The following GBF1 variants were observed in gnomAD, a reference collection of about 807,000 sequenced individuals.
The protein encoded by GBF1 is Golgi-specific brefeldin A-resistance guanine nucleotide exchange factor 1.
Under a neutral mutation model 210.5 loss-of-function variants are expected in GBF1, and 114 were observed. The observed-to-expected ratio is 0.54, with a 90% CI of 0.47 to 0.63. The LOEUF (loss-of-function observed/expected upper bound fraction) is 0.63, where lower values mean the gene tolerates loss of function less well. Ranked by LOEUF, GBF1 falls within the 30% of genes least tolerant of loss-of-function variation. The pLI is 0.00. For missense variants in GBF1, 1,851 were observed against 2,357.7 expected, an observed-to-expected ratio of 0.79 and a Z score of 4.45; for synonymous variants, 850 against 889.2, an observed-to-expected ratio of 0.96 and a Z score of 0.78.
the GBF1 span, among the ~76,000 whole-genome samples, chr10:102,233,558 C>T: frequency 1.3e-5 from 2 of 152,118 alleles, no homozygotes. Flanking sequence ...CCTGCCTCGG[C>T]CTCCCAAAGT....
At chr10:102,231,280 G>A in the GBF1 span, among the ~76,000 whole-genome samples, 18 of 152,206 alleles carry the variant, frequency 1.2e-4, no homozygotes, top group African/African-American at 4.3e-4. Flanking sequence ...CAGAAGGCGC[G>A]GGCGGCTGGA....
intron 3 of GBF1, among the ~76,000 whole-genome samples, chr10:102,284,052 T>C (rs1433084827): frequency 6.6e-6 from 1 of 151,804 alleles, no homozygotes; most frequent in African/African-American, 2.4e-5. Flanking sequence ...AAGTTTCACT[T>C]TTTGCAAGAA....
intron 3 of GBF1, among the ~76,000 whole-genome samples, chr10:102,317,676 T>A (rs1420396035): frequency 6.6e-6 from 1 of 152,164 alleles, no homozygotes; most frequent in Non-Finnish European, 1.5e-5. Context: ...TCCAATCACC[T>A]AAAGATAACT....
At chr10:102,316,694 A>C (rs1277249860) in intron 3 of GBF1, among the ~76,000 whole-genome samples, 3 of 152,228 alleles carry the variant, frequency 2.0e-5, no homozygotes, top group Non-Finnish European at 2.9e-5. Context: ...TTTTAGATAG[A>C]TAGACAGATA....
At chr10:102,319,044 G>A (rs1330914813) in intron 3 of GBF1, among the ~76,000 whole-genome samples, 2 of 152,020 alleles carry the variant, frequency 1.3e-5, no homozygotes, top group South Asian at 2.1e-4. Context: ...TAGGCTGGGC[G>A]CAGTGGCTCA....
intron 3 of GBF1, among the ~76,000 whole-genome samples, chr10:102,274,515 G>C (rs772071076): frequency 6.6e-6 from 1 of 151,840 alleles, no homozygotes; most frequent in East Asian, 1.9e-4. Context: ...TGATTAATCA[G>C]TCTGTGCATC....
intron 33 of GBF1, among the ~76,000 whole-genome samples, 178 bp downstream of exon 33, chr10:102,377,318 A>AATTT (rs746237101): frequency 2.1e-4 from 32 of 151,718 alleles, no homozygotes; most frequent in African/African-American, 3.4e-4. Flanking sequence ...TATTTGCTTA[A>AATTT]ATTTATTTAT....
chr10:102,331,325 A>T (rs928660613), intron 3 of GBF1, among the ~76,000 whole-genome samples: 3 of 152,140 alleles, frequency 2.0e-5, no homozygotes, highest in Non-Finnish European at 4.4e-5. Flanking sequence ...CATGAACATG[A>T]TGCTCCATAA....
chr10:102,269,008 G>T (rs1029146881), intron 3 of GBF1, among the ~76,000 whole-genome samples: 29 of 152,322 alleles, frequency 1.9e-4, no homozygotes, highest in Non-Finnish European at 3.5e-4. Context: ...GAGATAATTT[G>T]CACCTCACCA....
chr10:102,354,767 C>T (rs113424617), intron 8 of GBF1, among the ~76,000 whole-genome samples: 297 of 152,180 alleles, frequency 2.0e-3, no homozygotes, highest in African/African-American at 6.8e-3. Context: ...CTAGGGAAAC[C>T]GTGAGGGACC....
intron 3 of GBF1, among the ~76,000 whole-genome samples, chr10:102,342,874 C>A (rs1257230517): frequency 6.6e-6 from 1 of 152,106 alleles, no homozygotes; most frequent in East Asian, 1.9e-4. Context: ...ATTCTTTGAC[C>A]TAGAATGGAA....
chr10:102,355,993 T>C (rs2059268615), intron 8 of GBF1, among the ~76,000 whole-genome samples: 1 of 152,196 alleles, frequency 6.6e-6, no homozygotes, highest in Non-Finnish European at 1.5e-5. Flanking sequence ...TGAAGCTCAG[T>C]TCTAAGCATA....
rs1422857194 is a variant in GBF1 at position 102,370,759 on chromosome 10, T to A, written c.3559T>A (p.Cys1187Ser). 5.6e-6 allele frequency: 9 copies of A among 1,613,940 alleles called. No homozygotes were observed. The change falls in exon 29 of 40, where the codon TGT becomes AGT. Residue 1187 changes from cysteine (C) to serine (S), a missense_variant. Physicochemically the swap from Cys to Ser is moderately radical, Grantham distance 112. Transcript: ENST00000369983. ...QTVRDHLYHL[C>S]VQAQDFCFLV... Reference sequence around the variant, plus strand: ...TGTTCGAGACCATCTATACCACCTCTGTGTTCAGGCACAAGATTTCTGCTT... The same window carrying A: ...TGTTCGAGACCATCTATACCACCTCAGTGTTCAGGCACAAGATTTCTGCTT...
chr10:102,230,693 CG>C, the GBF1 span: 1 of 1,566,686 alleles, frequency 6.4e-7, no homozygotes, highest in Non-Finnish European at 8.6e-7. Flanking sequence ...GCGGCGGCGG[CG>C]GCGGCCGAGG....
intron 3 of GBF1, among the ~76,000 whole-genome samples, chr10:102,262,085 G>GT (rs1483566942): frequency 6.6e-6 from 1 of 152,048 alleles, no homozygotes; most frequent in Non-Finnish European, 1.5e-5. Context: ...ATGTTTCACC[G>GT]TTTTGGCCAG....
In GBF1 at chr10:102,379,881, T is replaced by G. The variant is rs1275992795; in HGVS notation, c.4805T>G (p.Leu1602Trp). The G allele has an allele frequency of 6.2e-7, 1 of 1,613,536 alleles. No individual in the cohort carries two copies. Among genetic ancestry groups the G allele is most frequent in the Non-Finnish European group, 8.5e-7 (1 of 1,179,646 alleles). Residue 1602 changes from leucine to tryptophan, a missense_variant, in exon 36 of 40, where the codon TTG becomes TGG. By Grantham distance (61) the Leu-to-Trp change is moderately conservative (BLOSUM62 -2). Coordinates refer to ENST00000369983, the MANE Select transcript of GBF1 (RefSeq NM_001377137.1). The stretch of plus-strand genomic sequence containing the variant: ...CTGTTTCCTCTACTTACCAAGCTCT[T>G]GGAGAACATCAGCCCTGCAGATGTG... The part of the protein sequence containing the change: ...KVLFPLLTKL[L>W]ENISPADVGG...
chr10:102,239,877 G>A, the GBF1 span, among the ~76,000 whole-genome samples: 2 of 152,188 alleles, frequency 1.3e-5, no homozygotes, highest in African/African-American at 2.4e-5. Context: ...AAGTAAACCC[G>A]GCTGTTAGGT....
At chr10:102,375,624 C>G in intron 30 of GBF1, 40 bp downstream of exon 30, 1 of 1,285,014 alleles carries the variant, frequency 7.8e-7, no homozygotes, top group Non-Finnish European at 1.1e-6. Flanking sequence ...GGCAGATAAA[C>G]AGTTACACCC....
chr10:102,251,519 A>G (rs1006201992), intron 1 of GBF1, among the ~76,000 whole-genome samples: 1 of 152,156 alleles, frequency 6.6e-6, no homozygotes, highest in Non-Finnish European at 1.5e-5. Flanking sequence ...CACTAAATAA[A>G]TAATTATAAA....
Sources: gnomAD v4.1 joint callset for allele counts (sites outside exome capture counted in the v4.1 genomes callset) on GRCh38, gnomAD v4.1.1 for gene constraint, MANE v1.5 for transcripts, NCBI Gene and HGNC (gene_info 2026-07-23, HGNC 2026-07-21) for gene names.